Variants in TTN observed in about 807,000 individuals in gnomAD.
The protein encoded by TTN is titin, also known as connectin.
TTN carries 1,525 observed loss-of-function variants against 3,223.0 expected under a neutral mutation model. The ratio of observed to expected loss-of-function variants is 0.47; its 90% CI spans 0.45 to 0.49. TTN has a LOEUF of 0.49. Among genes scored for constraint, TTN ranks in the 20% least tolerant of loss-of-function variants. The pLI is 0.00. For synonymous variants in TTN, 14,094 were observed against 15,161.0 expected, an observed-to-expected ratio of 0.93 and a Z score of 5.17; for missense variants, 40,786 against 43,424.0, an observed-to-expected ratio of 0.94 and a Z score of 5.40.
chr2:178,704,482 A>G (rs773897669), intron 105 of TTN, 28 bp downstream of exon 105: 2 of 1,598,280 alleles, frequency 1.3e-6, no homozygotes, highest in Non-Finnish European at 1.7e-6. Context: ...AAATCTCACA[A>G]GTATTTCATA....
intron 50 of TTN, 55 bp from the exon 51 acceptor site, chr2:178,735,043 G>T (rs550584771): frequency 6.8e-7 from 1 of 1,465,048 alleles, no homozygotes; most frequent in South Asian, 1.5e-5. Context: ...CATAAACTCC[G>T]CAAAAGAAAA....
chr2:178,787,191 C>A (rs1001982873), intron 13 of TTN, among the ~76,000 whole-genome samples: 6 of 152,044 alleles, frequency 3.9e-5, no homozygotes, highest in Non-Finnish European at 5.9e-5. Context: ...ACCTGCATAT[C>A]TTTAAAAATT....
Position 178,756,684 on chromosome 2 carries a change from T to C in TTN, c.10792A>G (p.Ile3598Val). The C allele has an allele frequency of 6.2e-7, 1 of 1,613,872 alleles. No individual in the cohort carries two copies. Among genetic ancestry groups the C allele is most frequent in the Non-Finnish European group, 8.5e-7 (1 of 1,179,818 alleles). ...KEESKISQKE[I>V]KSFQGSSYEY... Reference sequence around the variant, plus strand: ...TATGATGATCCTTGAAATGACTTAATTTCCTTTTGAGATATTTTGCTCTCC... The same window carrying C: ...TATGATGATCCTTGAAATGACTTAACTTCCTTTTGAGATATTTTGCTCTCC... The change falls in exon 46 of 363, where the codon ATT becomes GTT. Residue 3598 changes from isoleucine to valine, a missense_variant. Physicochemically the swap from Ile to Val is conservative, Grantham distance 29. Coordinates refer to ENST00000589042, the MANE Select transcript of TTN (RefSeq NM_001267550.2).
At chr2:178,559,221 T>G in intron 326 of TTN, 90 bp downstream of exon 326, 1 of 1,248,864 alleles carries the variant, frequency 8.0e-7, no homozygotes, top group Non-Finnish European at 1.1e-6. Context: ...CAAAAGCATT[T>G]AAGATGAAAT....
In TTN at chr2:178,740,645, T is replaced by C; in HGVS notation, c.12588A>G (p.Ser4196=). 1.9e-6 allele frequency: 3 copies of C among 1,613,836 alleles called. No homozygotes were observed. Among genetic ancestry groups the C allele is most frequent in the Non-Finnish European group, 2.5e-6 (3 of 1,179,808 alleles). ...PSAMSIEQIN[S]LTVEPLKTLL... is the part of the protein sequence containing the mutation. ...AAGTTTTCAGAGGCTCAACTGTTAATGAATTAATTTGTTCTATGGACATGG... is the reference window on the plus strand; with the variant it reads ...AAGTTTTCAGAGGCTCAACTGTTAACGAATTAATTTGTTCTATGGACATGG... Residue 4196 remains serine, a synonymous_variant, in exon 48 of 363, where the codon TCA becomes TCG. Transcript: ENST00000589042.
Position 178,734,854 on chromosome 2 carries a change from C to T in TTN, c.15070G>A (p.Glu5024Lys), listed in dbSNP as rs750031855. Reference sequence around the variant, plus strand: ...AAATACATTCGGACTGTGTTACTTTCACTGAGTTCTTTGTTATTTTTAAAC... The same window carrying T: ...AAATACATTCGGACTGTGTTACTTTTACTGAGTTCTTTGTTATTTTTAAAC... ...TWFKNNKELS[E>K]SNTVRMYFVN... Residue 5024 changes from glutamate (E) to lysine (K), a missense_variant, in exon 51 of 363, where the codon GAA becomes AAA. Transcript: ENST00000589042. The T allele has an allele frequency of 1.9e-5, 31 of 1,613,606 alleles. No homozygotes were observed. In the East Asian group the frequency reaches 4.5e-4, roughly 23 times the overall value.
chr2:178,590,232 G>A lies in TTN; in HGVS notation c.61493C>T (p.Ala20498Val), dbSNP rs145131899. 3 of 1,593,514 alleles carry A rather than the reference G, an allele frequency of 1.9e-6. No homozygotes were observed. Among genetic ancestry groups the A allele is most frequent in the Admixed American group, 3.4e-5 (2 of 58,086 alleles). ...TGGTTCAGGTCTGCCTTTGACTCGA[G>A]CTAGAATGCGGATAGTTTGGCCTAC... ...VRVGQTIRIL[A>V]RVKGRPEPDI... The change falls in exon 304 of 363, where the codon GCT becomes GTT. Residue 20498 changes from alanine (A) to valine (V), a missense_variant. Physicochemically the swap from Ala to Val is moderately conservative, Grantham distance 64 (BLOSUM62 0). Transcript: ENST00000589042.
At chr2:178,715,408 A>G in intron 89 of TTN, 85 bp downstream of exon 89, 1 of 1,526,324 alleles carries the variant, frequency 6.6e-7, no homozygotes, top group Non-Finnish European at 8.8e-7. Flanking sequence ...ATTTTAAAAC[A>G]TCGTTGAAGA....
chr2:178,744,891 G>C, intron 47 of TTN: 1 of 985,122 alleles, frequency 1.0e-6, no homozygotes, highest in Non-Finnish European at 1.2e-6. Flanking sequence ...CAAATGTCTA[G>C]GTGAACCCTG....
chr2:178,745,616 G>A, intron 47 of TTN: 1 of 1,612,762 alleles, frequency 6.2e-7, no homozygotes, highest in Non-Finnish European at 8.5e-7. Flanking sequence ...AAAGCTCTCA[G>A]CCATTCCTGA....
In TTN at chr2:178,573,064, A is replaced by G. The variant is rs1264242838; in HGVS notation, c.73068T>C (p.Thr24356=). 3.1e-6 allele frequency: 5 copies of G among 1,613,150 alleles called. No individual in the cohort carries two copies. In the African/African-American group the frequency reaches 6.7e-5, roughly 22 times the overall value. Residue 24356 remains threonine (T), a synonymous_variant, in exon 326 of 363, where the codon ACT becomes ACC. Transcript: ENST00000589042. The part of the protein sequence containing the change: ...KPIYDGGSEI[T]GYMVEIALPE... ...GCAGGGCAATCTCAACCATATACCC[A>G]GTGATTTCTGAACCACCATCATAGA...
chr2:178,730,438 T>C, intron 61 of TTN, 67 bp from the exon 62 acceptor site: 2 of 1,551,792 alleles, frequency 1.3e-6, no homozygotes, highest in Non-Finnish European at 8.7e-7. Flanking sequence ...GCAATAAAGG[T>C]GAAAATTTAG....
intron 6 of TTN, among the ~76,000 whole-genome samples, chr2:178,797,124 A>C (rs2093808251): frequency 6.6e-6 from 1 of 152,152 alleles, no homozygotes; most frequent in Non-Finnish European, 1.5e-5. Flanking sequence ...CATGATTCTA[A>C]ATGACCCTTA....
chr2:178,731,671 C>T, intron 58 of TTN, 22 bp downstream of exon 58: 1 of 1,591,112 alleles, frequency 6.3e-7, no homozygotes, highest in Non-Finnish European at 8.6e-7. Flanking sequence ...AAAGCCAGTC[C>T]CTCACTGGAA....
At chr2:178,713,040 AATAAACTATGAAATGCAATTC>A in intron 93 of TTN, 24 bp downstream of exon 93, 1 of 1,605,720 alleles carries the variant, frequency 6.2e-7, no homozygotes, top group Non-Finnish European at 8.5e-7. Context: ...AAACATGCTT[AATAAACTATGAAATGCAATTC>A]ATTTTACTGT....
intron 267 of TTN, 37 bp downstream of exon 267, chr2:178,612,020 G>A (rs1457281835): frequency 6.2e-7 from 1 of 1,602,988 alleles, no homozygotes; most frequent in Non-Finnish European, 8.5e-7. Flanking sequence ...TTGCAGCCAA[G>A]TGTAAGTTAT....
intron 164 of TTN, 24 bp downstream of exon 164, chr2:178,665,683 GA>G: frequency 7.6e-7 from 1 of 1,315,990 alleles, no homozygotes; most frequent in Non-Finnish European, 9.7e-7. Context: ...ATAAATGAAG[GA>G]AGGAATGGCA....
rs1691457097 is a variant in TTN at position 178,536,295 on chromosome 2, G to A, written c.100452C>T (p.Pro33484=). The A allele has an allele frequency of 6.2e-7, 1 of 1,613,534 alleles. No homozygotes were observed. The highest frequency in any genetic ancestry group is 1.7e-5 in the Admixed American group (1 of 59,968). The change falls in exon 357 of 363, where the codon CCC becomes CCT. Residue 33484 remains proline (P), a synonymous_variant. Transcript: ENST00000589042. The part of the protein sequence containing the change: ...GESEWSEISE[P]ITPKSDVPIQ... Reference sequence around the variant, plus strand: ...TTGGGACATCAGATTTGGGAGTGATGGGTTCTGATATTTCACTCCATTCAC... The same window carrying A: ...TTGGGACATCAGATTTGGGAGTGATAGGTTCTGATATTTCACTCCATTCAC...
chr2:178,748,178 G>T, intron 47 of TTN: 1 of 1,613,080 alleles, frequency 6.2e-7, no homozygotes. Context: ...TTCTATATCT[G>T]CAGATGAGGT....
Sources: allele counts gnomAD v4.1 joint callset (sites outside exome capture counted in the v4.1 genomes callset), GRCh38; gene constraint gnomAD v4.1.1; transcripts MANE v1.5; gene names NCBI Gene and HGNC (gene_info 2026-07-23, HGNC 2026-07-21).